The following AFF3 variants were observed in gnomAD, a reference collection of about 807,000 sequenced individuals.
The protein encoded by AFF3 is ALF transcription elongation factor 3, also known as AF4/FMR2 family member 3.
AFF3 carries 32 observed loss-of-function variants against 129.7 expected under a neutral mutation model. That is an observed-to-expected ratio of 0.25 (90% CI 0.19 to 0.33). The LOEUF is 0.33. Ranked by LOEUF, AFF3 falls within the 10% of genes least tolerant of loss-of-function variation. AFF3 has a pLI of 1.00. For synonymous variants in AFF3, 644 were observed against 635.4 expected (o/e 1.01, Z -0.20); for missense variants, 1,373 against 1,592.0 (o/e 0.86, Z 2.34).
At chr2:99,632,008 CTTTTTTTTT>C (rs745651225) in intron 13 of AFF3, among the ~76,000 whole-genome samples, 2 of 76,882 alleles carry the variant, frequency 2.6e-5, no homozygotes, top group East Asian at 4.1e-4. Context: ...CTTGCCAACA[CTTTTTTTTT>C]TTTTTTTTTT....
chr2:100,053,258 T>A (rs1686498727), intron 4 of AFF3, among the ~76,000 whole-genome samples: 2 of 152,250 alleles, frequency 1.3e-5, no homozygotes, highest in Admixed American at 1.3e-4. Flanking sequence ...TTAGCCACTG[T>A]GGAATTTCAA....
chr2:99,774,777 A>T (rs901138066), intron 8 of AFF3, among the ~76,000 whole-genome samples: 2 of 152,242 alleles, frequency 1.3e-5, no homozygotes. Context: ...TCTGTACAGC[A>T]AAAGAAACTA....
chr2:99,927,382 G>A (rs974662978), intron 7 of AFF3, among the ~76,000 whole-genome samples: 3 of 152,102 alleles, frequency 2.0e-5, no homozygotes, highest in Non-Finnish European at 4.4e-5. Flanking sequence ...ATACACCATG[G>A]GATACTATGC....
At chr2:100,048,003 T>C (rs58066593) in intron 4 of AFF3, among the ~76,000 whole-genome samples, 3,121 of 152,334 alleles carry the variant, frequency 0.02, 89 homozygotes, top group African/African-American at 0.069. Flanking sequence ...CGATATTTCA[T>C]GTCAAGCTCT....
intron 7 of AFF3, among the ~76,000 whole-genome samples, chr2:99,954,395 C>A (rs1055583175): frequency 6.6e-6 from 1 of 152,032 alleles, no homozygotes; most frequent in African/African-American, 2.4e-5. Flanking sequence ...TACCATTTGA[C>A]CCAGCCATCC....
rs143696804 is a variant in AFF3 at position 99,601,454 on chromosome 2, G to C, written c.1352C>G (p.Pro451Arg). ...SSSESEGSKPPHFSSPEAEPA... is the reference protein window; with the variant it reads ...SSSESEGSKPRHFSSPEAEPA... Reference sequence around the variant, plus strand: ...GCTTACCTCGGGGCTGGAGAAGTGGGGGGGCTTGCTGCCCTCACTCTCGCT... The same window carrying C: ...GCTTACCTCGGGGCTGGAGAAGTGGCGGGGCTTGCTGCCCTCACTCTCGCT... Residue 451 changes from proline to arginine, a missense_variant, in exon 14 of 25, where the codon CCC becomes CGC. Pro to Arg is a moderately radical substitution (Grantham distance 103, BLOSUM62 -2). Transcript: ENST00000672756. 1.4e-5 allele frequency: 22 copies of C among 1,607,870 alleles called. No individual in the cohort carries two copies. Among genetic ancestry groups the C allele is most frequent in the East Asian group, 8.9e-5 (4 of 44,708 alleles).
At chr2:100,114,873 T>C (rs1048420562) in intron 2 of AFF3, among the ~76,000 whole-genome samples, 1 of 152,252 alleles carries the variant, frequency 6.6e-6, no homozygotes, top group Admixed American at 6.5e-5. Flanking sequence ...CCTGATTGTA[T>C]TGATAATATA....
chr2:100,017,022 T>C (rs768252424), intron 4 of AFF3, among the ~76,000 whole-genome samples: 8 of 151,734 alleles, frequency 5.3e-5, no homozygotes, highest in Non-Finnish European at 8.8e-5. Flanking sequence ...GTGGTGACAG[T>C]AGTGATGGTG....
At chr2:99,851,978 T>C (rs1690177383) in intron 7 of AFF3, among the ~76,000 whole-genome samples, 1 of 152,120 alleles carries the variant, frequency 6.6e-6, no homozygotes, top group Non-Finnish European at 1.5e-5. Context: ...TTAATGCAGG[T>C]CACGGGCAGG....
intron 2 of AFF3, among the ~76,000 whole-genome samples, chr2:100,108,478 C>T (rs545525827): frequency 1.5e-4 from 23 of 152,260 alleles, no homozygotes; most frequent in Admixed American, 2.6e-4. Context: ...GCCTTGGGCT[C>T]TCTGACAGTA....
At chr2:99,791,253 G>A (rs1257702003) in intron 8 of AFF3, among the ~76,000 whole-genome samples, 2 of 152,112 alleles carry the variant, frequency 1.3e-5, no homozygotes, top group African/African-American at 2.4e-5. Flanking sequence ...TACCCTTGGC[G>A]GATTGGTTCT....
intron 11 of AFF3, among the ~76,000 whole-genome samples, chr2:99,702,955 T>C (rs541950851): frequency 1.8e-4 from 28 of 152,360 alleles, no homozygotes; most frequent in African/African-American, 6.7e-4. Flanking sequence ...TGGATCAAGC[T>C]TTTTGTGTCA....
intron 22 of AFF3, among the ~76,000 whole-genome samples, chr2:99,556,011 C>T (rs1467399848): frequency 1.3e-5 from 2 of 152,230 alleles, no homozygotes; most frequent in Admixed American, 6.5e-5. Flanking sequence ...CAAGCTGGTG[C>T]TACTGGACTG....
Position 99,549,678 on chromosome 2 carries a change from C to G in AFF3, c.*1796G>C, listed in dbSNP as rs1252224806. ...TTTCCAAATGCTTGAAGGCCAAAGC[C>G]AAATGCAAATTCCACAAGCCCTTCT... On this transcript the variant is annotated 3_prime_UTR_variant, in exon 25 of 25. Transcript: ENST00000672756. 1.9e-5 allele frequency: 4 copies of G among 214,578 alleles called. No homozygotes were observed. Among genetic ancestry groups the G allele is most frequent in the East Asian group, 1.4e-4 (2 of 14,454 alleles). The allele number at this position is 214,578 out of a possible 1,614,324, so 13.3% of individuals were successfully genotyped here.
intron 7 of AFF3, among the ~76,000 whole-genome samples, chr2:99,922,484 T>C (rs1338510499): frequency 2.0e-5 from 3 of 152,222 alleles, no homozygotes; most frequent in African/African-American, 7.2e-5. Context: ...AGGCACATAC[T>C]GTATGACCCC....
chr2:99,881,356 CA>C (rs1305742708), intron 7 of AFF3, among the ~76,000 whole-genome samples: 1 of 141,962 alleles, frequency 7.0e-6, no homozygotes. Context: ...AATGAGCCCT[CA>C]AAATGTAAAT....
chr2:99,669,465 G>C (rs1322026625), intron 12 of AFF3, among the ~76,000 whole-genome samples: 1 of 146,142 alleles, frequency 6.8e-6, no homozygotes, highest in African/African-American at 2.6e-5. Flanking sequence ...AAGACACAAA[G>C]AGTACATGCC....
At chr2:99,927,076 A>G (rs1215758183) in intron 7 of AFF3, among the ~76,000 whole-genome samples, 1 of 152,116 alleles carries the variant, frequency 6.6e-6, no homozygotes, top group African/African-American at 2.4e-5. Flanking sequence ...CTACCTCCTT[A>G]AAGGAAAGGA....
intron 14 of AFF3, among the ~76,000 whole-genome samples, chr2:99,599,166 T>C (rs1008448175): frequency 6.6e-6 from 1 of 152,264 alleles, no homozygotes; most frequent in African/African-American, 2.4e-5. Context: ...GAGCCTCCTT[T>C]CATCACCCAG....
Sources: gnomAD v4.1 joint callset for allele counts (sites outside exome capture counted in the v4.1 genomes callset) on GRCh38, gnomAD v4.1.1 for gene constraint, MANE v1.5 for transcripts, NCBI Gene and HGNC (gene_info 2026-07-23, HGNC 2026-07-21) for gene names.